Variants in AP3S1 observed in about 807,000 individuals in gnomAD.
AP3S1 encodes the protein adaptor related protein complex 3 subunit sigma 1.
In AP3S1, 12 loss-of-function variants were observed where a neutral mutation model predicts 21.3. The observed-to-expected ratio is 0.56, with a 90% CI of 0.36 to 0.91. The LOEUF is 0.91. AP3S1 is among the 40% of genes least tolerant of loss of function. The pLI is 0.01. For synonymous variants in AP3S1, 48 were observed against 78.4 expected (o/e 0.61, Z 2.05); for missense variants, 116 against 225.0 (o/e 0.52, Z 3.10).
chr5:115,844,291 T>C (rs747440621), intron 1 of AP3S1, among the ~76,000 whole-genome samples: 15 of 152,170 alleles, frequency 9.9e-5, no homozygotes, highest in Admixed American at 1.3e-4. Flanking sequence ...TTCGCTCTTG[T>C]GTGAGGAACA....
intron 5 of AP3S1, among the ~76,000 whole-genome samples, chr5:115,908,191 G>C (rs1751813188): frequency 6.6e-6 from 1 of 152,024 alleles, no homozygotes; most frequent in Non-Finnish European, 1.5e-5. Context: ...ATGTTATTTT[G>C]TCCCTCATAT....
intron 3 of AP3S1, among the ~76,000 whole-genome samples, chr5:115,870,420 C>T (rs1748128831): frequency 6.6e-6 from 1 of 152,146 alleles, no homozygotes; most frequent in Admixed American, 6.5e-5. Context: ...TAACCCTAAA[C>T]CCTACCTCTC....
intron 1 of AP3S1, among the ~76,000 whole-genome samples, chr5:115,846,005 A>G (rs940414277): frequency 6.6e-6 from 1 of 152,100 alleles, no homozygotes; most frequent in Non-Finnish European, 1.5e-5. Context: ...CGACTTGACA[A>G]CAGTAACCTT....
intron 4 of AP3S1, among the ~76,000 whole-genome samples, chr5:115,901,092 T>G (rs1751167146): frequency 6.6e-6 from 1 of 152,188 alleles, no homozygotes; most frequent in South Asian, 2.1e-4. Flanking sequence ...CAGGCACCAG[T>G]CTCTTTTATG....
At chr5:115,891,429 A>C (rs1209091756) in intron 3 of AP3S1, among the ~76,000 whole-genome samples, 6 of 152,150 alleles carry the variant, frequency 3.9e-5, no homozygotes, top group African/African-American at 1.4e-4. Context: ...TTCAGATGCC[A>C]GTTGCAAGTA....
At chr5:115,901,918 G>T (rs1280846724) in intron 4 of AP3S1, among the ~76,000 whole-genome samples, 1 of 151,910 alleles carries the variant, frequency 6.6e-6, no homozygotes. Context: ...CTCCTAAAAA[G>T]AGTTTGTTGA....
intron 3 of AP3S1, among the ~76,000 whole-genome samples, chr5:115,879,849 T>G (rs2112868237): frequency 2.0e-5 from 3 of 152,286 alleles, no homozygotes; most frequent in Middle Eastern, 3.4e-3. Flanking sequence ...TTTTTTTGGT[T>G]GTTAGGCTAT....
chr5:115,910,102 A>G (rs1399638445), intron 5 of AP3S1, among the ~76,000 whole-genome samples: 2 of 151,960 alleles, frequency 1.3e-5, no homozygotes, highest in Non-Finnish European at 2.9e-5. Context: ...ATCTCTACAA[A>G]TGTATATTTT....
chr5:115,903,954 C>T (rs1209719009), intron 5 of AP3S1: 1 of 151,992 alleles, frequency 6.6e-6, no homozygotes, highest in African/African-American at 2.4e-5. Flanking sequence ...ACGTAGAGCG[C>T]ACCTGTAATC....
At chr5:115,901,243 T>G (rs1222737877) in intron 4 of AP3S1, among the ~76,000 whole-genome samples, 1 of 152,178 alleles carries the variant, frequency 6.6e-6, no homozygotes, top group East Asian at 1.9e-4. Context: ...ATAACAAGTA[T>G]GTGCACAGCA....
intron 3 of AP3S1, among the ~76,000 whole-genome samples, chr5:115,872,290 T>C (rs1181414225): frequency 6.6e-6 from 1 of 151,828 alleles, no homozygotes; most frequent in African/African-American, 2.4e-5. Flanking sequence ...TCAAAAAAAA[T>C]AGAAATAAAA....
chr5:115,856,185 G>A (rs536394389), intron 1 of AP3S1, among the ~76,000 whole-genome samples: 7 of 152,140 alleles, frequency 4.6e-5, no homozygotes, highest in African/African-American at 1.7e-4. Flanking sequence ...CAAGTTCTAG[G>A]CTCCTTAATG....
intron 4 of AP3S1, among the ~76,000 whole-genome samples, chr5:115,899,153 T>G (rs1751006034): frequency 6.6e-6 from 1 of 152,194 alleles, no homozygotes; most frequent in South Asian, 2.1e-4. Flanking sequence ...CCCTTGAGGC[T>G]GAGAGAATAA....
intron 4 of AP3S1, among the ~76,000 whole-genome samples, chr5:115,895,539 G>A (rs985145244): frequency 1.3e-5 from 2 of 152,154 alleles, no homozygotes; most frequent in African/African-American, 4.8e-5. Flanking sequence ...TACTGACAGA[G>A]ATATAAAATA....
At chr5:115,892,713 T>TA (rs772372963) in intron 3 of AP3S1, among the ~76,000 whole-genome samples, 3 of 151,862 alleles carry the variant, frequency 2.0e-5, no homozygotes, top group Admixed American at 6.6e-5. Context: ...GGTTAATGGA[T>TA]AAAAAAAATA....
At chr5:115,857,321 C>T (rs761929303) in intron 1 of AP3S1, among the ~76,000 whole-genome samples, 1 of 152,142 alleles carries the variant, frequency 6.6e-6, no homozygotes, top group African/African-American at 2.4e-5. Context: ...CAAGTATGTA[C>T]ACGTATGTAT....
chr5:115,843,827 C>G (rs1380212501), intron 1 of AP3S1, among the ~76,000 whole-genome samples: 1 of 152,190 alleles, frequency 6.6e-6, no homozygotes, highest in Non-Finnish European at 1.5e-5. Context: ...AGAAATCTGT[C>G]TTTCCCTTGT....
Position 115,894,743 on chromosome 5 carries a change from G to A in AP3S1, c.274-344G>A, listed in dbSNP as rs115069688. ...GGACTGTGCCTTACCTCTCTTGATG[G>A]ATATTTCCTAATGAGCTTTCTTCCC... On this transcript the variant is annotated intron_variant, in intron 3 of 5. Coordinates refer to ENST00000316788, the MANE Select transcript of AP3S1 (RefSeq NM_001284.4). 2.1e-3 allele frequency among the ~76,000 whole-genome samples: 321 copies of A among 152,264 alleles called. 1 individual carries two copies. The highest frequency in any genetic ancestry group is 0.01 in the Middle Eastern group (3 of 294).
intron 3 of AP3S1, among the ~76,000 whole-genome samples, chr5:115,885,622 C>T (rs1749713013): frequency 6.6e-6 from 1 of 152,184 alleles, no homozygotes; most frequent in Non-Finnish European, 1.5e-5. Flanking sequence ...GTTTTCCTCT[C>T]CCAGTCCACT....
Sources: gnomAD v4.1 joint callset for allele counts (sites outside exome capture counted in the v4.1 genomes callset) on GRCh38, gnomAD v4.1.1 for gene constraint, MANE v1.5 for transcripts, NCBI Gene and HGNC (gene_info 2026-07-23, HGNC 2026-07-21) for gene names.